Variants in CDC14B observed in about 807,000 individuals in gnomAD.
CDC14B encodes the protein cell division cycle 14B, also known as dual specificity protein phosphatase CDC14B.
Under a neutral mutation model 64.2 loss-of-function variants are expected in CDC14B, and 22 were observed. The ratio of observed to expected loss-of-function variants is 0.34; its 90% CI spans 0.24 to 0.49. The LOEUF is 0.49. CDC14B is among the 20% of genes least tolerant of loss of function. The pLI is 0.99. For missense variants in CDC14B, 498 were observed against 629.9 expected (o/e 0.79, Z 2.24); for synonymous variants, 191 against 215.8 (o/e 0.89, Z 1.01).
rs1358937993 is a variant in CDC14B at position 96,517,357 on chromosome 9, T to TA, written c.1343+5148dup. On this transcript the variant is annotated intron_variant, in intron 12 of 13. Coordinates refer to ENST00000375241, the MANE Select transcript of CDC14B (RefSeq NM_033331.4). Reference sequence around the variant, plus strand: ...ACTCTGTCTCAAAAAATAAAAAAAATAAAAAAAAATAAAGGCCGGGCGTGG... The same window carrying TA: ...ACTCTGTCTCAAAAAATAAAAAAAATAAAAAAAAAATAAAGGCCGGGCGTGG... Among the ~76,000 whole-genome samples the TA allele has an allele frequency of 2.4e-3, 273 of 114,992 alleles. 3 individuals carry two copies. The highest frequency in any genetic ancestry group is 8.4e-3 in the African/African-American group (252 of 30,064). 75.4% of individuals were successfully genotyped at this position (114,992 alleles called of 152,430 possible).
chr9:96,523,407 G>T lies in CDC14B; in HGVS notation c.1099C>A (p.Leu367Ile). 1 of 1,614,072 alleles carries T rather than the reference G, an allele frequency of 6.2e-7. No homozygotes were observed. The highest frequency in any genetic ancestry group is 8.5e-7 in the Non-Finnish European group (1 of 1,179,966). Reference sequence around the variant, plus strand: ...CGAAAATAGTCCCCTTCCAGCCAGAGGTTGGTTTGCTTCCTAGAGCATTTA... The same window carrying T: ...CGAAAATAGTCCCCTTCCAGCCAGATGTTGGTTTGCTTCCTAGAGCATTTA... The part of the protein sequence containing the change: ...QQFLVMKQTN[L>I]WLEGDYFRQK... The change falls in exon 11 of 14, where the codon CTC becomes ATC. Residue 367 changes from leucine to isoleucine, a missense_variant. Leu to Ile is a conservative substitution (Grantham distance 5). Coordinates refer to ENST00000375241, the MANE Select transcript of CDC14B (RefSeq NM_033331.4).
intron 1 of CDC14B, among the ~76,000 whole-genome samples, chr9:96,614,902 G>A (rs1162078315): frequency 3.3e-5 from 5 of 152,214 alleles, no homozygotes; most frequent in Non-Finnish European, 5.9e-5. Context: ...ATGCAGTGGC[G>A]CAATCTCAGC....
Position 96,570,189 on chromosome 9 carries a change from T to TC in CDC14B, c.161-4707dup, listed in dbSNP as rs1315053298. ...CTTTTGGGCCTCCAGGTTGACTACC[T>TC]CTTCCTTTAGCAAATATCTGTTAAA... On this transcript the variant is annotated intron_variant, in intron 1 of 13. Transcript: ENST00000375241. Among the ~76,000 whole-genome samples the TC allele has an allele frequency of 5.9e-5, 9 of 152,346 alleles. No homozygotes were observed. The East Asian group carries it at 1.3e-3, about 23-fold the overall frequency.
intron 9 of CDC14B, among the ~76,000 whole-genome samples, chr9:96,529,567 C>T (rs1838116187): frequency 6.6e-6 from 1 of 150,444 alleles, no homozygotes; most frequent in Non-Finnish European, 1.5e-5. Flanking sequence ...TCATGGCTCA[C>T]TGCCGCCTCA....
chr9:96,526,766 T>C (rs141573990), intron 9 of CDC14B, among the ~76,000 whole-genome samples: 1 of 152,156 alleles, frequency 6.6e-6, no homozygotes, highest in Non-Finnish European at 1.5e-5. Flanking sequence ...TTATTTATAG[T>C]GAGGAGCTGT....
chr9:96,594,099 T>C (rs1845928570), intron 1 of CDC14B, among the ~76,000 whole-genome samples: 1 of 152,094 alleles, frequency 6.6e-6, no homozygotes. Flanking sequence ...CCAAAATACA[T>C]TATACGTTTT....
intron 12 of CDC14B, chr9:96,514,699 T>C: frequency 4.1e-6 from 4 of 985,392 alleles, no homozygotes; most frequent in Non-Finnish European, 4.8e-6. Flanking sequence ...ATTCTTAAAA[T>C]ATGAGTTAAG....
Position 96,515,838 on chromosome 9 carries a change from C to T in CDC14B, c.1344-6049G>A. On this transcript the variant is annotated intron_variant, in intron 12 of 13. Coordinates refer to ENST00000375241, the MANE Select transcript of CDC14B (RefSeq NM_033331.4). The surrounding 1 kb of genome is among the most constrained non-coding windows in gnomAD (Gnocchi z 4.3). ...AAGAACAGATGTTCAAATTGGGAAG[C>T]CAAAATAAATTACGCAATCATCAAT... The T allele has an allele frequency of 6.6e-7, 1 of 1,513,504 alleles. No homozygotes were observed. The highest frequency in any genetic ancestry group is 8.9e-7 in the Non-Finnish European group (1 of 1,125,150). 93.8% of individuals were successfully genotyped at this position (1,513,504 alleles called of 1,614,324 possible).
intron 1 of CDC14B, among the ~76,000 whole-genome samples, chr9:96,584,157 C>G (rs528850684): frequency 1.1e-3 from 174 of 152,330 alleles, no homozygotes; most frequent in African/African-American, 3.9e-3. Flanking sequence ...GACGAATCAT[C>G]TGTTTTGTGC....
Position 96,546,263 on chromosome 9 carries a change from A to G in CDC14B, c.498-4371T>C, listed in dbSNP as rs75985283. ...TACTGATACCTTCCACAACACAGGTAAATCTCATAGACATTACATATGTGA... is the reference window on the plus strand; with the variant it reads ...TACTGATACCTTCCACAACACAGGTGAATCTCATAGACATTACATATGTGA... On this transcript the variant is annotated intron_variant, in intron 5 of 13. Transcript: ENST00000375241. Among the ~76,000 whole-genome samples, 21 of 152,320 alleles carry G rather than the reference A, an allele frequency of 1.4e-4. No homozygotes were observed. In the East Asian group the frequency reaches 3.7e-3, roughly 27 times the overall value.
At chr9:96,495,683 C>G (rs1022647407), downstream of CDC14B, among the ~76,000 whole-genome samples, 1 of 152,186 alleles carries the variant, frequency 6.6e-6, no homozygotes, top group Non-Finnish European at 1.5e-5. Context: ...GATAGAAAGA[C>G]AGCAGGAGAA....
chr9:96,618,644 G>A (rs1318132796), intron 1 of CDC14B: 1 of 526,294 alleles, frequency 1.9e-6, no homozygotes, highest in Admixed American at 1.9e-5. Context: ...GGGCGCGCTA[G>A]GGGGCAGGGC....
intron 5 of CDC14B, among the ~76,000 whole-genome samples, chr9:96,550,208 C>T (rs899545572): frequency 6.6e-6 from 1 of 152,164 alleles, no homozygotes; most frequent in African/African-American, 2.4e-5. Flanking sequence ...TTTATTTCCC[C>T]CTCTTCCCTT....
At chr9:96,533,557 A>C (rs533635537) in intron 9 of CDC14B, among the ~76,000 whole-genome samples, 1 of 152,328 alleles carries the variant, frequency 6.6e-6, no homozygotes, top group East Asian at 1.9e-4. Flanking sequence ...TCATTCATTT[A>C]TTCAAAAAAT....
rs1491081121 is a variant in CDC14B at position 96,610,119 on chromosome 9, A to ACC, written c.160+9098_160+9099dup. Among the ~76,000 whole-genome samples, 33 of 151,524 alleles carry ACC rather than the reference A, an allele frequency of 2.2e-4. 3 individuals are homozygous for ACC. Among genetic ancestry groups the ACC allele is most frequent in the Admixed American group, 7.9e-4 (12 of 15,232 alleles). ...TAGATACACACACACACACACACAC[A>ACC]CCCATTCAGATTTGTTTTTTGCTTA... On this transcript the variant is annotated intron_variant, in intron 1 of 13. Coordinates refer to ENST00000375241, the MANE Select transcript of CDC14B (RefSeq NM_033331.4).
At position 96,618,632 on chromosome 9, in the gene CDC14B, G is replaced by T. The variant is rs372488884; in HGVS notation, c.160+587C>A. 13 of 529,336 alleles carry T rather than the reference G, an allele frequency of 2.5e-5. 1 individual carries two copies. Among genetic ancestry groups the T allele is most frequent in the South Asian group, 1.8e-4 (13 of 71,508 alleles). 32.8% of individuals were successfully genotyped at this position (529,336 alleles called of 1,614,324 possible). A position where few individuals can be genotyped will look rare whatever the true frequency, so the allele number is the denominator to read the frequency against. ...GGACCCCGGGAGGCGGAGGCGTTCG[G>T]GGGGCGCGCTAGGGGGCAGGGCGCG... On this transcript the variant is annotated intron_variant, in intron 1 of 13. Coordinates refer to ENST00000375241, the MANE Select transcript of CDC14B (RefSeq NM_033331.4).
In CDC14B at chr9:96,523,204, A is replaced by T. The variant is rs987601216; in HGVS notation, c.1245+57T>A. ...CCTACGGTTTTCTCCATACCCTGAC[A>T]GGTTCTCAATAGCAGTTAAAGCAGT... On this transcript the variant is annotated intron_variant, in intron 11 of 13. Coordinates refer to ENST00000375241, the MANE Select transcript of CDC14B (RefSeq NM_033331.4). 3.2e-6 allele frequency: 5 copies of T among 1,561,754 alleles called. No individual in the cohort carries two copies. The African/African-American group carries it at 6.8e-5, about 21-fold the overall frequency.
intron 13 of CDC14B, among the ~76,000 whole-genome samples, chr9:96,506,189 T>A (rs946810031): frequency 6.6e-6 from 1 of 151,998 alleles, no homozygotes; most frequent in African/African-American, 2.4e-5. Flanking sequence ...GGTGCTCTAT[T>A]TTTTTTTCTA....
At chr9:96,543,333 T>C (rs1477328473) in intron 5 of CDC14B, among the ~76,000 whole-genome samples, 4 of 149,324 alleles carry the variant, frequency 2.7e-5, no homozygotes, top group African/African-American at 7.6e-5. Context: ...GACTCGAGAC[T>C]CGTCTCAAAA....
Sources: allele counts gnomAD v4.1 joint callset (sites outside exome capture counted in the v4.1 genomes callset), GRCh38; gene constraint gnomAD v4.1.1; non-coding constraint Gnocchi (gnomAD v3.1); transcripts MANE v1.5; gene names NCBI Gene and HGNC (gene_info 2026-07-23, HGNC 2026-07-21).